The following HIVEP1 variants were observed in gnomAD, a reference collection of about 807,000 sequenced individuals.
HIVEP1 encodes the protein HIVEP zinc finger 1, also known as zinc finger protein 40.
Under a neutral mutation model 180.0 loss-of-function variants are expected in HIVEP1, and 36 were observed. The observed-to-expected ratio is 0.20, with a 90% CI of 0.15 to 0.26. The LOEUF (loss-of-function observed/expected upper bound fraction) is 0.26. Ranked by LOEUF, HIVEP1 falls within the 10% of genes least tolerant of loss-of-function variation. The pLI, the probability that HIVEP1 is intolerant of heterozygous loss-of-function variation, is 1.00. For synonymous variants in HIVEP1, 1,239 were observed against 1,239.0 expected (o/e 1.00, Z 0.00); for missense variants, 3,143 against 3,268.7 (o/e 0.96, Z 0.94).
chr6:12,195,948 A>G, the HIVEP1 span, among the ~76,000 whole-genome samples: 1 of 152,214 alleles, frequency 6.6e-6, no homozygotes, highest in Non-Finnish European at 1.5e-5. Flanking sequence ...GAACTTCATA[A>G]AGCCCACTAC....
intron 6 of HIVEP1, among the ~76,000 whole-genome samples, chr6:12,134,532 G>A (rs3777774): frequency 0.19 from 29,097 of 152,152 alleles, 3,162 homozygotes; most frequent in East Asian, 0.47. Context: ...CTGCAAGCCC[G>A]AAATTTGGAC....
At chr6:12,181,039 A>G in the HIVEP1 span, among the ~76,000 whole-genome samples, 2 of 152,170 alleles carry the variant, frequency 1.3e-5, no homozygotes, top group East Asian at 3.9e-4. Context: ...CTGACTATAC[A>G]TATGTTTATT....
chr6:12,195,660 G>GAGTACATCTGACTCCA, the HIVEP1 span, among the ~76,000 whole-genome samples: 2 of 151,676 alleles, frequency 1.3e-5, no homozygotes, highest in Admixed American at 1.3e-4. Flanking sequence ...CTGGCATACA[G>GAGTACATCTGACTCCA]AATTTAACTA....
At chr6:12,150,859 T>G (rs1455789078) in intron 7 of HIVEP1, among the ~76,000 whole-genome samples, 2 of 152,200 alleles carry the variant, frequency 1.3e-5, no homozygotes, top group Non-Finnish European at 2.9e-5. Context: ...TATCTGGCTT[T>G]CAGAGCAATA....
At chr6:12,157,104 G>A (rs1296162039) in intron 7 of HIVEP1, among the ~76,000 whole-genome samples, 13 of 152,116 alleles carry the variant, frequency 8.5e-5, no homozygotes, top group African/African-American at 2.4e-4. Context: ...AGTCCACTTC[G>A]TCTGATATTA....
intron 2 of HIVEP1, among the ~76,000 whole-genome samples, chr6:12,077,880 C>A (rs1269550353): frequency 1.3e-5 from 2 of 152,116 alleles, no homozygotes; most frequent in African/African-American, 4.8e-5. Context: ...TTCATCCTTT[C>A]CTTTTTCTCT....
chr6:12,033,375 T>C (rs559601528), intron 2 of HIVEP1, among the ~76,000 whole-genome samples: 188 of 152,170 alleles, frequency 1.2e-3, no homozygotes, highest in Admixed American at 1.9e-3. Context: ...GGAACATCTG[T>C]ACAATGAGAG....
chr6:12,184,029 A>G, the HIVEP1 span, among the ~76,000 whole-genome samples: 1 of 125,956 alleles, frequency 7.9e-6, no homozygotes, highest in Admixed American at 7.5e-5. Context: ...AGATAGACAG[A>G]CAGACAGACA....
At chr6:12,101,391 A>G (rs955949353) in intron 3 of HIVEP1, among the ~76,000 whole-genome samples, 5 of 147,676 alleles carry the variant, frequency 3.4e-5, no homozygotes, top group Non-Finnish European at 7.5e-5. Flanking sequence ...TATAAATACA[A>G]TATGTATATA....
intron 2 of HIVEP1, among the ~76,000 whole-genome samples, chr6:12,048,888 C>T (rs1044839098): frequency 3.3e-5 from 5 of 152,096 alleles, no homozygotes; most frequent in African/African-American, 1.2e-4. Flanking sequence ...AAAATCAAGC[C>T]TCAGAGTGTT....
intron 3 of HIVEP1, among the ~76,000 whole-genome samples, chr6:12,103,182 AT>A (rs1182185752): frequency 6.3e-5 from 3 of 47,774 alleles, no homozygotes; most frequent in African/African-American, 2.0e-4. Flanking sequence ...GGTGTTGATT[AT>A]GTAATAATAA....
At chr6:12,155,636 C>G (rs777903121) in intron 7 of HIVEP1, among the ~76,000 whole-genome samples, 4 of 152,174 alleles carry the variant, frequency 2.6e-5, no homozygotes, top group Non-Finnish European at 4.4e-5. Flanking sequence ...ACATGCACCA[C>G]GTTTTCCTTA....
chr6:12,139,332 T>C (rs980624582), intron 7 of HIVEP1, among the ~76,000 whole-genome samples: 2 of 152,146 alleles, frequency 1.3e-5, no homozygotes, highest in African/African-American at 4.8e-5. Context: ...TTGCACTCCT[T>C]TCCTCTGTTA....
intron 2 of HIVEP1, among the ~76,000 whole-genome samples, chr6:12,048,324 A>G (rs532890623): frequency 1.3e-5 from 2 of 152,352 alleles, no homozygotes; most frequent in South Asian, 4.1e-4. Context: ...TAAGGGAAAG[A>G]ACATTTGCTT....
intron 2 of HIVEP1, among the ~76,000 whole-genome samples, chr6:12,025,216 T>C (rs532866910): frequency 6.6e-6 from 1 of 152,318 alleles, no homozygotes; most frequent in Admixed American, 6.5e-5. Flanking sequence ...TCTTTCCTGA[T>C]TAGTAAGAGT....
chr6:12,040,396 CT>C (rs2113674956), intron 2 of HIVEP1, among the ~76,000 whole-genome samples: 1 of 152,260 alleles, frequency 6.6e-6, no homozygotes, highest in African/African-American at 2.4e-5. Flanking sequence ...TCTTGCTTTC[CT>C]TCTGTCTTTA....
intron 3 of HIVEP1, among the ~76,000 whole-genome samples, chr6:12,119,016 CAG>C (rs1374055058): frequency 3.3e-5 from 5 of 152,248 alleles, no homozygotes; most frequent in Middle Eastern, 3.4e-3. Context: ...GTTGTGTAGA[CAG>C]AGTCCTCAGG....
At chr6:12,146,217 C>T (rs899132602) in intron 7 of HIVEP1, among the ~76,000 whole-genome samples, 7 of 152,080 alleles carry the variant, frequency 4.6e-5, no homozygotes, top group Non-Finnish European at 7.4e-5. Context: ...CCAAAGCAGG[C>T]GGATCATCTG....
the HIVEP1 span, among the ~76,000 whole-genome samples, chr6:12,186,347 A>G: frequency 7.9e-5 from 12 of 151,756 alleles, no homozygotes; most frequent in Admixed American, 5.3e-4. Context: ...ACAAAAGACT[A>G]TTAAATATAT....
Sources: allele counts gnomAD v4.1 joint callset (sites outside exome capture counted in the v4.1 genomes callset), GRCh38; gene constraint gnomAD v4.1.1; transcripts MANE v1.5; gene names NCBI Gene and HGNC (gene_info 2026-07-23, HGNC 2026-07-21).